The following PTPRK variants were observed in gnomAD, a reference collection of about 807,000 sequenced individuals.
PTPRK encodes receptor-type tyrosine-protein phosphatase kappa.
Under a neutral mutation model 178.0 loss-of-function variants are expected in PTPRK, and 75 were observed. The ratio of observed to expected loss-of-function variants is 0.42; its 90% CI spans 0.35 to 0.51. The LOEUF is 0.51. Among genes scored for constraint, PTPRK ranks in the 20% least tolerant of loss-of-function variants. The pLI is 0.02. For missense variants in PTPRK, 1,441 were observed against 1,797.8 expected (o/e 0.80, Z 3.59); for synonymous variants, 637 against 620.6 (o/e 1.03, Z -0.39).
chr6:128,434,718 A>G (rs1444184840), intron 1 of PTPRK, among the ~76,000 whole-genome samples: 7 of 152,312 alleles, frequency 4.6e-5, no homozygotes, highest in East Asian at 1.9e-4. Flanking sequence ...TTGAATAAAT[A>G]GAGCTATTTC....
intron 2 of PTPRK, among the ~76,000 whole-genome samples, chr6:128,389,110 C>T (rs748258198): frequency 6.6e-5 from 10 of 152,068 alleles, no homozygotes; most frequent in Non-Finnish European, 1.3e-4. Flanking sequence ...TCTAAGTTGT[C>T]ATATGCTCTA....
intron 13 of PTPRK, among the ~76,000 whole-genome samples, chr6:128,013,992 C>T (rs986496261): frequency 4.6e-5 from 7 of 151,508 alleles, no homozygotes; most frequent in African/African-American, 9.7e-5. Flanking sequence ...AAAGCAAAAA[C>T]CATATTTATT....
At chr6:128,211,684 T>C (rs547609991) in intron 6 of PTPRK, among the ~76,000 whole-genome samples, 1 of 152,254 alleles carries the variant, frequency 6.6e-6, no homozygotes, top group African/African-American at 2.4e-5. Flanking sequence ...ATTAGCTAGC[T>C]TTTTAAAAGA....
Position 128,508,707 on chromosome 6 carries a change from G to A in PTPRK, c.100+11552C>T, listed in dbSNP as rs190778310. On this transcript the variant is annotated intron_variant, in intron 1 of 29. Coordinates refer to ENST00000368226, the MANE Select transcript of PTPRK (RefSeq NM_002844.4). ...CACCTGTAATCCCGCACTTTGGGAGGCTGAGGCGGCAGGTCACCTGAGGTC... is the reference window on the plus strand; with the variant it reads ...CACCTGTAATCCCGCACTTTGGGAGACTGAGGCGGCAGGTCACCTGAGGTC... Among the ~76,000 whole-genome samples, 187 of 152,076 alleles carry A rather than the reference G, an allele frequency of 1.2e-3. 2 individuals are homozygous for A. Among genetic ancestry groups the A allele is most frequent in the African/African-American group, 4.3e-3 (179 of 41,508 alleles).
At chr6:128,395,888 A>C (rs1840235979) in intron 2 of PTPRK, among the ~76,000 whole-genome samples, 2 of 152,152 alleles carry the variant, frequency 1.3e-5, no homozygotes, top group South Asian at 4.1e-4. Context: ...AAGCAAATTT[A>C]ATTCATTCTA....
At chr6:128,125,596 GCTTTT>G (rs1486679185) in intron 7 of PTPRK, among the ~76,000 whole-genome samples, 6 of 138,460 alleles carry the variant, frequency 4.3e-5, no homozygotes, top group Non-Finnish European at 9.2e-5. Context: ...TTGCCTTTGG[GCTTTT>G]CTTTTTTTTT....
chr6:128,201,061 C>T (rs1054913963), intron 6 of PTPRK, among the ~76,000 whole-genome samples: 5 of 152,178 alleles, frequency 3.3e-5, no homozygotes, highest in East Asian at 1.9e-4. Context: ...AAAATAGGTG[C>T]TTATGGACTT....
rs562969221 is a variant in PTPRK, at chr6:127,974,489, A to G, written c.3970-662T>C. Among the ~76,000 whole-genome samples the G allele has an allele frequency of 1.9e-4, 29 of 152,220 alleles. 2 individuals are homozygous for G. Among genetic ancestry groups the G allele is most frequent in the African/African-American group, 7.0e-4 (29 of 41,558 alleles). On this transcript the variant is annotated intron_variant, in intron 27 of 29. Transcript: ENST00000368226. ...TTCTCAATCCCAAATAGAATGACCA[A>G]CTTGTCCCAGGTTGGCCTGGGACTT...
chr6:128,510,868 T>C (rs62425743), intron 1 of PTPRK, among the ~76,000 whole-genome samples: 23,240 of 151,766 alleles, frequency 0.15, 1,967 homozygotes, highest in Non-Finnish European at 0.18. Context: ...ATGATATATA[T>C]ATAGTATACA....
At chr6:128,345,518 C>T (rs559051442) in intron 2 of PTPRK, among the ~76,000 whole-genome samples, 4 of 152,300 alleles carry the variant, frequency 2.6e-5, no homozygotes, top group South Asian at 2.1e-4. Flanking sequence ...GTACTAAAGA[C>T]GGGGTCAGGG....
At chr6:128,086,363 T>G (rs1785824794) in intron 8 of PTPRK, among the ~76,000 whole-genome samples, 2 of 151,450 alleles carry the variant, frequency 1.3e-5, no homozygotes, top group South Asian at 4.1e-4. Context: ...TAATATTGAT[T>G]TTTTGAATGC....
chr6:128,191,835 C>T (rs1477540750), intron 6 of PTPRK, among the ~76,000 whole-genome samples: 1 of 152,118 alleles, frequency 6.6e-6, no homozygotes, highest in Non-Finnish European at 1.5e-5. Flanking sequence ...CGTATCCCTA[C>T]CTAAAACTAT....
intron 6 of PTPRK, among the ~76,000 whole-genome samples, chr6:128,204,259 A>G (rs1244744695): frequency 6.6e-6 from 1 of 152,200 alleles, no homozygotes; most frequent in Non-Finnish European, 1.5e-5. Context: ...CTTAAAACAT[A>G]TACAAAAATT....
intron 10 of PTPRK, among the ~76,000 whole-genome samples, chr6:128,081,306 A>G (rs1784775465): frequency 1.3e-5 from 2 of 151,984 alleles, no homozygotes; most frequent in Non-Finnish European, 2.9e-5. Context: ...AATATAATGG[A>G]TGATACTTTA....
At chr6:128,186,264 T>C (rs1802751810) in intron 6 of PTPRK, among the ~76,000 whole-genome samples, 1 of 152,078 alleles carries the variant, frequency 6.6e-6, no homozygotes, top group Non-Finnish European at 1.5e-5. Context: ...ATGAATGTAA[T>C]ATCAATATTT....
intron 7 of PTPRK, among the ~76,000 whole-genome samples, chr6:128,123,774 A>T (rs1485204122): frequency 2.0e-5 from 3 of 152,138 alleles, no homozygotes; most frequent in Non-Finnish European, 2.9e-5. Context: ...ATAGGACCTT[A>T]ACAGTTTTAA....
chr6:127,999,056 C>G lies in PTPRK; in HGVS notation c.2495-152G>C, dbSNP rs1371096781. The G allele has an allele frequency of 5.3e-6, 3 of 568,266 alleles. No individual in the cohort carries two copies. The Admixed American group carries it at 1.2e-4, about 23-fold the overall frequency. The allele number at this position is 568,266 out of a possible 1,614,324, so 35.2% of individuals were successfully genotyped here. ...AAATATCATACAGTATAGGCCTAGA[C>G]AGTATCCCCAAAGACAAAACTCAAG... On this transcript the variant is annotated intron_variant, in intron 15 of 29. Transcript: ENST00000368226.
intron 3 of PTPRK, among the ~76,000 whole-genome samples, chr6:128,280,351 C>A (rs1821474477): frequency 6.6e-6 from 1 of 152,178 alleles, no homozygotes. Context: ...TCAGTGAATA[C>A]ATTTTAAAAT....
intron 13 of PTPRK, among the ~76,000 whole-genome samples, chr6:128,060,513 C>T (rs914372838): frequency 4.6e-5 from 7 of 152,176 alleles, no homozygotes; most frequent in Middle Eastern, 3.4e-3. Context: ...TCAACTCATT[C>T]ATTCTGGTTA....
Sources: gnomAD v4.1 joint callset for allele counts (sites outside exome capture counted in the v4.1 genomes callset) on GRCh38, gnomAD v4.1.1 for gene constraint, MANE v1.5 for transcripts, NCBI Gene and HGNC (gene_info 2026-07-23, HGNC 2026-07-21) for gene names.